ADAMTS16: variants seen among roughly 807,000 people sequenced by gnomAD.
ADAMTS16 encodes the protein A disintegrin and metalloproteinase with thrombospondin motifs 16.
Under a neutral mutation model 145.8 loss-of-function variants are expected in ADAMTS16, and 94 were observed. The ratio of observed to expected loss-of-function variants is 0.64; its 90% CI spans 0.55 to 0.77. The LOEUF (loss-of-function observed/expected upper bound fraction) is 0.77, where lower values mean the gene tolerates loss of function less well. Among genes scored for constraint, ADAMTS16 ranks in the 30% least tolerant of loss-of-function variants. ADAMTS16 has a pLI of 0.00. For missense variants in ADAMTS16, 1,585 were observed against 1,591.5 expected (o/e 1.00, Z 0.07); for synonymous variants, 659 against 604.3 (o/e 1.09, Z -1.33).
At chr5:5,182,864 G>A (rs571028876) in intron 4 of ADAMTS16, among the ~76,000 whole-genome samples, 1 of 152,272 alleles carries the variant, frequency 6.6e-6, no homozygotes, top group Admixed American at 6.5e-5. Flanking sequence ...AAGAATTGAA[G>A]TTGGGTGCTT....
At position 5,239,744 on chromosome 5, in the gene ADAMTS16, T is replaced by C; in HGVS notation, c.2342T>C (p.Val781Ala). The change falls in exon 16 of 23, where the codon GTC becomes GCC. Residue 781 changes from valine (V) to alanine (A), a missense_variant. Around this residue, in one of 3 missense-constraint regions of ADAMTS16, gnomAD observed 834 missense variants for 811.7 expected, o/e 1.03. Coordinates refer to ENST00000274181, the MANE Select transcript of ADAMTS16 (RefSeq NM_139056.4). ...ARSIRIYEMN[V>A]STSYISVRNA... ...AGTATCCGCATCTATGAAATGAACG[T>C]CTCTACCTCCTACATTTCTGTGCGC... 6.2e-7 allele frequency: 1 copy of C among 1,614,136 alleles called. No individual in the cohort carries two copies. The highest frequency in any genetic ancestry group is 1.1e-5 in the South Asian group (1 of 91,076).
At chr5:5,164,825 C>T (rs564080060) in intron 3 of ADAMTS16, among the ~76,000 whole-genome samples, 3 of 152,176 alleles carry the variant, frequency 2.0e-5, no homozygotes, top group Admixed American at 6.5e-5. Flanking sequence ...TACAGGCGCC[C>T]GCCACCACGC....
chr5:5,242,818 CA>C (rs1560965362), intron 17 of ADAMTS16, among the ~76,000 whole-genome samples: 1 of 152,142 alleles, frequency 6.6e-6, no homozygotes. Flanking sequence ...AGTTTTTAGC[CA>C]GAGCCAATAT....
At chr5:5,238,982 G>A (rs1052805691) in intron 14 of ADAMTS16, among the ~76,000 whole-genome samples, 169 bp from the exon 15 acceptor site, 3 of 152,220 alleles carry the variant, frequency 2.0e-5, no homozygotes, top group Non-Finnish European at 4.4e-5. Flanking sequence ...GGGTAACACT[G>A]TAGCCCCGCT....
intron 10 of ADAMTS16, among the ~76,000 whole-genome samples, chr5:5,220,532 G>T (rs1242368296): frequency 6.6e-6 from 1 of 151,966 alleles, no homozygotes; most frequent in African/African-American, 2.4e-5. Context: ...TGTGAATTAG[G>T]ACCCTAGATC....
intron 18 of ADAMTS16, among the ~76,000 whole-genome samples, chr5:5,288,643 T>G (rs765402050): frequency 5.3e-5 from 8 of 152,218 alleles, no homozygotes; most frequent in Non-Finnish European, 1.0e-4. Context: ...ATCACATAAA[T>G]TGCCGTTGTC....
rs145711607 is a variant in ADAMTS16, at chr5:5,249,609, G to A, written c.2662+7418G>A. ...GCACGGGCCCTGCAGTAGCATCCAA[G>A]TGTGTTACAATACTCTCTCAGCTCT... is the stretch of plus-strand genomic sequence containing the variant. On this transcript the variant is annotated intron_variant, in intron 17 of 22. Coordinates refer to ENST00000274181, the MANE Select transcript of ADAMTS16 (RefSeq NM_139056.4). Among the ~76,000 whole-genome samples the A allele has an allele frequency of 2.0e-5, 3 of 151,966 alleles. No homozygotes were observed. In the South Asian group the frequency reaches 6.2e-4, roughly 32 times the overall value.
intron 18 of ADAMTS16, among the ~76,000 whole-genome samples, chr5:5,290,977 AG>A (rs1453749618): frequency 6.6e-6 from 1 of 152,188 alleles, no homozygotes; most frequent in Non-Finnish European, 1.5e-5. Context: ...AAATCCATCC[AG>A]TACAGTTACC....
At chr5:5,312,611 C>G (rs2126533512) in intron 21 of ADAMTS16, among the ~76,000 whole-genome samples, 1 of 152,206 alleles carries the variant, frequency 6.6e-6, no homozygotes, top group Non-Finnish European at 1.5e-5. Flanking sequence ...CCACTCCCAG[C>G]TAATTTTTGT....
At chr5:5,140,864 G>A in intron 2 of ADAMTS16, 98 bp downstream of exon 2, 1 of 1,174,616 alleles carries the variant, frequency 8.5e-7, no homozygotes, top group Non-Finnish European at 1.1e-6. Context: ...TCACGACTCT[G>A]TGGAACCCTA....
chr5:5,301,327 GC>G (rs1008500341), intron 18 of ADAMTS16, among the ~76,000 whole-genome samples: 3 of 152,252 alleles, frequency 2.0e-5, no homozygotes, highest in African/African-American at 7.2e-5. Flanking sequence ...TATTCCTCCT[GC>G]CTCAGCCTGG....
chr5:5,290,547 C>A lies in ADAMTS16; in HGVS notation c.2790-12721C>A, dbSNP rs532283917. 7.2e-5 allele frequency among the ~76,000 whole-genome samples: 11 copies of A among 152,234 alleles called. No homozygotes were observed. The East Asian group carries it at 9.7e-4, about 13-fold the overall frequency. On this transcript the variant is annotated intron_variant, in intron 18 of 22. Transcript: ENST00000274181. ...GTGCATACCTGTAATCCCAGCTACTCAGGAGGCTGAGATGGGAACTTGAAC... is the reference window on the plus strand; with the variant it reads ...GTGCATACCTGTAATCCCAGCTACTAAGGAGGCTGAGATGGGAACTTGAAC...
chr5:5,159,307 G>C (rs1431453071), intron 3 of ADAMTS16, among the ~76,000 whole-genome samples: 1 of 152,200 alleles, frequency 6.6e-6, no homozygotes, highest in South Asian at 2.1e-4. Flanking sequence ...TTTTGAGTCA[G>C]ACAGGTCTTG....
Position 5,146,388 on chromosome 5 carries a change from GT to G in ADAMTS16, c.437del (p.Phe146SerfsTer25). 1 of 1,614,018 alleles carries G rather than the reference GT, an allele frequency of 6.2e-7. No individual in the cohort carries two copies. Among genetic ancestry groups the G allele is most frequent in the Non-Finnish European group, 8.5e-7 (1 of 1,180,026 alleles). ...SVQTLPPEDF[C>X]FYQGSLRSHR... The stretch of plus-strand genomic sequence containing the variant: ...CAGACTTTACCGCCAGAGGACTTCT[GT>G]TTCTATCAAGGCTCTTTGCGATCAC... On this transcript the variant is annotated frameshift_variant, in exon 3 of 23. Coordinates refer to ENST00000274181, the MANE Select transcript of ADAMTS16 (RefSeq NM_139056.4). LOFTEE classifies it high-confidence loss of function.
At chr5:5,159,871 G>A (rs1734696208) in intron 3 of ADAMTS16, among the ~76,000 whole-genome samples, 1 of 152,130 alleles carries the variant, frequency 6.6e-6, no homozygotes, top group Non-Finnish European at 1.5e-5. Flanking sequence ...CATAAACAAG[G>A]GAAGTGCCCA....
Position 5,212,984 on chromosome 5 carries a change from A to T in ADAMTS16, c.1605+3738A>T, listed in dbSNP as rs1223902082. Among the ~76,000 whole-genome samples the T allele has an allele frequency of 4.6e-5, 7 of 152,176 alleles. No individual in the cohort carries two copies. The East Asian group carries it at 1.3e-3, about 29-fold the overall frequency. On this transcript the variant is annotated intron_variant, in intron 10 of 22. Coordinates refer to ENST00000274181, the MANE Select transcript of ADAMTS16 (RefSeq NM_139056.4). ...TAGTGGTTGCTTTAGAGATTACCGC[A>T]TGCATCCCTAATTTAGAGTCTATGT...
chr5:5,253,476 A>T (rs1737689084), intron 17 of ADAMTS16, among the ~76,000 whole-genome samples: 1 of 152,160 alleles, frequency 6.6e-6, no homozygotes, highest in Non-Finnish European at 1.5e-5. Flanking sequence ...GCAATCAGAT[A>T]TGCGTTTGTC....
intron 3 of ADAMTS16, among the ~76,000 whole-genome samples, chr5:5,168,704 TATA>T (rs1293057021): frequency 4.1e-4 from 57 of 137,396 alleles, no homozygotes; most frequent in African/African-American, 1.1e-3. Context: ...AAATATAATA[TATA>T]ATAATTATAA....
At chr5:5,278,938 C>T (rs1165236028) in intron 18 of ADAMTS16, among the ~76,000 whole-genome samples, 7 of 151,718 alleles carry the variant, frequency 4.6e-5, no homozygotes, top group South Asian at 4.2e-4. Context: ...AAAAACAAAA[C>T]GAAGGGAGAA....
Sources: gnomAD v4.1 joint callset for allele counts (sites outside exome capture counted in the v4.1 genomes callset) on GRCh38, gnomAD v4.1.1 for gene constraint, gnomAD v4.1.1 regional missense constraint, MANE v1.5 for transcripts, NCBI Gene and HGNC (gene_info 2026-07-23, HGNC 2026-07-21) for gene names.